The following MPPED2 variants were observed in gnomAD, a reference collection of about 807,000 sequenced individuals.
MPPED2 encodes metallophosphoesterase MPPED2.
MPPED2 carries 5 observed loss-of-function variants against 33.0 expected under a neutral mutation model. The observed-to-expected ratio is 0.15, with a 90% CI of 0.08 to 0.32. MPPED2 has a LOEUF of 0.32. Ranked by LOEUF, MPPED2 falls within the 10% of genes least tolerant of loss-of-function variation. MPPED2 has a pLI of 1.00. For missense variants in MPPED2, 275 were observed against 372.1 expected (o/e 0.74, Z 2.15); for synonymous variants, 136 against 141.9 (o/e 0.96, Z 0.29).
intron 3 of MPPED2, among the ~76,000 whole-genome samples, chr11:30,500,385 T>C (rs1455283338): frequency 2.0e-5 from 3 of 152,228 alleles, no homozygotes; most frequent in African/African-American, 4.8e-5. Context: ...TCATCTTTAC[T>C]TCTATGGGCA....
intron 4 of MPPED2, among the ~76,000 whole-genome samples, chr11:30,443,861 C>T (rs1949689172): frequency 6.6e-6 from 1 of 152,168 alleles, no homozygotes. Context: ...GAGATGAACC[C>T]ACCTTATGCT....
chr11:30,532,340 C>T (rs1954575515), intron 3 of MPPED2, among the ~76,000 whole-genome samples: 1 of 152,188 alleles, frequency 6.6e-6, no homozygotes, highest in African/African-American at 2.4e-5. Flanking sequence ...TCTTCCTGTC[C>T]TAACATTCTG....
chr11:30,483,781 C>T (rs1951601902), intron 4 of MPPED2, among the ~76,000 whole-genome samples: 1 of 152,102 alleles, frequency 6.6e-6, no homozygotes. Context: ...AAGCTACTTC[C>T]CATGGCTCAT....
chr11:30,551,771 A>G (rs1183746860), intron 2 of MPPED2, among the ~76,000 whole-genome samples: 1 of 152,226 alleles, frequency 6.6e-6, no homozygotes, highest in African/African-American at 2.4e-5. Context: ...TCCCAAATAC[A>G]CAAACGGACA....
At chr11:30,563,938 A>C (rs1019394564) in intron 2 of MPPED2, among the ~76,000 whole-genome samples, 5 of 152,224 alleles carry the variant, frequency 3.3e-5, no homozygotes, top group Non-Finnish European at 7.3e-5. Context: ...GATTTAAGTC[A>C]TGAGACACTG....
upstream of MPPED2, among the ~76,000 whole-genome samples, chr11:30,586,465 C>T (rs188394): frequency 0.78 from 117,835 of 151,908 alleles, 46,035 homozygotes; most frequent in African/African-American, 0.85. The surrounding 1 kb of genome is among the most constrained non-coding windows in gnomAD (Gnocchi z 4.8). Context: ...ACGCCCCTCC[C>T]GCAGTCCCTG....
At chr11:30,430,242 A>G (rs1190415527) in intron 4 of MPPED2, among the ~76,000 whole-genome samples, 2 of 152,150 alleles carry the variant, frequency 1.3e-5, no homozygotes, top group Non-Finnish European at 2.9e-5. Context: ...GTGCTGCCCA[A>G]TATGATAGCC....
At chr11:30,576,764 A>G (rs1408515926) in intron 2 of MPPED2, among the ~76,000 whole-genome samples, 1 of 151,982 alleles carries the variant, frequency 6.6e-6, no homozygotes, top group East Asian at 1.9e-4. Flanking sequence ...CATCACATCT[A>G]TTAGTATGCT....
intron 4 of MPPED2, among the ~76,000 whole-genome samples, chr11:30,435,075 G>A (rs1428365087): frequency 1.3e-5 from 2 of 152,146 alleles, no homozygotes; most frequent in South Asian, 2.1e-4. Context: ...ACCAGAATTA[G>A]CATAGTTTGC....
At chr11:30,423,448 C>G (rs888396361) in intron 4 of MPPED2, among the ~76,000 whole-genome samples, 1 of 152,188 alleles carries the variant, frequency 6.6e-6, no homozygotes, top group Non-Finnish European at 1.5e-5. Context: ...GGATTTGGCA[C>G]AGAAGCTGTG....
chr11:30,486,086 C>T (rs1327866894), intron 4 of MPPED2, among the ~76,000 whole-genome samples: 1 of 152,142 alleles, frequency 6.6e-6, no homozygotes, highest in Admixed American at 6.5e-5. Flanking sequence ...CTCCAAAACC[C>T]ATCTCACCTT....
chr11:30,393,161 TCCA>T (rs1947800887), intron 6 of MPPED2, among the ~76,000 whole-genome samples: 1 of 152,122 alleles, frequency 6.6e-6, no homozygotes, highest in Admixed American at 6.6e-5. Flanking sequence ...GTCTTGCCTC[TCCA>T]CCACACCTGC....
At chr11:30,542,233 T>G (rs927524931) in intron 2 of MPPED2, among the ~76,000 whole-genome samples, 1 of 152,140 alleles carries the variant, frequency 6.6e-6, no homozygotes, top group Admixed American at 6.5e-5. Flanking sequence ...TACAGAAATA[T>G]TTTTTAGTTT....
rs192206803 is a variant in MPPED2 at position 30,486,058 on chromosome 11, T to C, written c.536+9238A>G. ...ACCCAGTGGAAGGAGCAACCTCATC[T>C]CTCCAAATATATGTGTGCTCCAAAA... On this transcript the variant is annotated intron_variant, in intron 4 of 6. Coordinates refer to ENST00000358117, the MANE Select transcript of MPPED2 (RefSeq NM_001584.3). Among the ~76,000 whole-genome samples, 4 of 152,126 alleles carry C rather than the reference T, an allele frequency of 2.6e-5. No homozygotes were observed. The East Asian group carries it at 7.7e-4, about 29-fold the overall frequency.
At chr11:30,409,145 C>T (rs574392477), downstream of MPPED2, among the ~76,000 whole-genome samples, 2 of 152,138 alleles carry the variant, frequency 1.3e-5, no homozygotes, top group Non-Finnish European at 2.9e-5. Context: ...TACTTGTGAT[C>T]GTGATTACCC....
chr11:30,536,127 C>A lies in MPPED2; in HGVS notation c.177G>T (p.Arg59=), dbSNP rs2134485335. 1 of 1,612,412 alleles carries A rather than the reference C, an allele frequency of 6.2e-7. No homozygotes were observed. Among genetic ancestry groups the A allele is most frequent in the Admixed American group, 1.7e-5 (1 of 59,750 alleles). ...YDTPKPAGHT[R]FVCISDTHSR... ...AGTGTGTGTCTGAGATGCAGACAAA[C>A]CGCGTGTGGCCCGCTGGTTTTGGAG... Residue 59 remains arginine (R), a synonymous_variant, in exon 3 of 7, where the codon CGG becomes CGT. Coordinates refer to ENST00000358117, the MANE Select transcript of MPPED2 (RefSeq NM_001584.3).
intron 2 of MPPED2, among the ~76,000 whole-genome samples, chr11:30,555,575 T>C (rs924741371): frequency 2.6e-5 from 4 of 152,150 alleles, no homozygotes; most frequent in Admixed American, 6.5e-5. Flanking sequence ...CTTCTCATGA[T>C]AGTGAATAAG....
intron 3 of MPPED2, 64 bp downstream of exon 3, chr11:30,535,930 C>T (rs1565162072): frequency 7.1e-6 from 10 of 1,400,138 alleles, no homozygotes; most frequent in South Asian, 3.1e-5. Context: ...TCAATTAGGA[C>T]GCAGTGAGTG....
chr11:30,432,986 G>A (rs557452769), intron 4 of MPPED2, among the ~76,000 whole-genome samples: 1 of 152,318 alleles, frequency 6.6e-6, no homozygotes, highest in South Asian at 2.1e-4. Flanking sequence ...TTTGATACTA[G>A]GCACATGTTT....
Sources: gnomAD v4.1 joint callset for allele counts (sites outside exome capture counted in the v4.1 genomes callset) on GRCh38, gnomAD v4.1.1 for gene constraint, Gnocchi (gnomAD v3.1) non-coding constraint, MANE v1.5 for transcripts, NCBI Gene and HGNC (gene_info 2026-07-23, HGNC 2026-07-21) for gene names.